ARFGEF1: variants seen among roughly 807,000 people sequenced by gnomAD.
ARFGEF1 encodes the protein ARF guanine nucleotide exchange factor 1, also known as brefeldin A-inhibited guanine nucleotide-exchange protein 1.
ARFGEF1 carries 42 observed loss-of-function variants against 231.0 expected under a neutral mutation model. The ratio of observed to expected loss-of-function variants is 0.18; its 90% CI spans 0.14 to 0.24. ARFGEF1 has a LOEUF of 0.24. ARFGEF1 is among the 10% of genes least tolerant of loss of function. The probability of loss-of-function intolerance (pLI) is 1.00; values close to 1 mark genes in which losing one functional copy is unlikely to be tolerated. For synonymous variants in ARFGEF1, 710 were observed against 732.3 expected (o/e 0.97, Z 0.49); for missense variants, 1,345 against 2,192.0 (o/e 0.61, Z 7.72).
At chr8:67,285,078 G>C (rs1298517521) in intron 7 of ARFGEF1, among the ~76,000 whole-genome samples, 1 of 115,670 alleles carries the variant, frequency 8.6e-6, no homozygotes, top group Non-Finnish European at 1.7e-5. Flanking sequence ...AATTCATTAA[G>C]CCCATGGTAT....
At chr8:67,287,117 C>T (rs1467425009) in intron 7 of ARFGEF1, among the ~76,000 whole-genome samples, 1 of 152,182 alleles carries the variant, frequency 6.6e-6, no homozygotes, top group Non-Finnish European at 1.5e-5. Context: ...CTTTGGCTGG[C>T]ACCTGGGAAC....
intron 1 of ARFGEF1, among the ~76,000 whole-genome samples, chr8:67,322,703 T>C (rs1359891699): frequency 1.3e-5 from 2 of 152,160 alleles, no homozygotes; most frequent in Non-Finnish European, 2.9e-5. Flanking sequence ...AGACCGTCTC[T>C]TAAAAACAAA....
chr8:67,202,976 T>G, intron 36 of ARFGEF1, 107 bp downstream of exon 36: 1 of 1,156,284 alleles, frequency 8.6e-7, no homozygotes, highest in Non-Finnish European at 1.2e-6. Context: ...GTACATATAG[T>G]GACATGCACA....
chr8:67,221,593 T>G (rs995210575), intron 29 of ARFGEF1, among the ~76,000 whole-genome samples: 1 of 152,174 alleles, frequency 6.6e-6, no homozygotes, highest in Admixed American at 6.5e-5. Context: ...TCAAGTTTTT[T>G]AAAATTTTAA....
intron 6 of ARFGEF1, among the ~76,000 whole-genome samples, chr8:67,288,626 G>A (rs906313737): frequency 3.3e-5 from 5 of 152,056 alleles, no homozygotes; most frequent in South Asian, 2.1e-4. Context: ...CCAGCTACTC[G>A]GGAGGCTGAG....
chr8:67,187,574 T>C, intron 5 of ARFGEF1, among the ~76,000 whole-genome samples: 1 of 151,966 alleles, frequency 6.6e-6, no homozygotes, highest in Non-Finnish European at 1.5e-5. Context: ...GTCCTAGCTA[T>C]TTGGGAGGCT....
intron 1 of ARFGEF1, among the ~76,000 whole-genome samples, chr8:67,334,919 T>G (rs561231682): frequency 1.3e-5 from 2 of 152,184 alleles, no homozygotes; most frequent in Admixed American, 1.3e-4. Context: ...ACAGATTTTA[T>G]TGAGGTAATA....
At chr8:67,341,631 ATCTC>A (rs764518096) in intron 1 of ARFGEF1, among the ~76,000 whole-genome samples, 6 of 152,124 alleles carry the variant, frequency 3.9e-5, no homozygotes, top group Middle Eastern at 3.2e-3. Flanking sequence ...TTTAATTTGA[ATCTC>A]TCTAAAGTTC....
At chr8:67,190,669 T>C (rs1476520736) in intron 5 of ARFGEF1, 2 of 1,613,916 alleles carry the variant, frequency 1.2e-6, no homozygotes, top group Non-Finnish European at 1.7e-6. Context: ...GTGAGACATA[T>C]CCTGCCATTG....
chr8:67,319,913 C>A (rs752156669), intron 1 of ARFGEF1, among the ~76,000 whole-genome samples: 1 of 151,856 alleles, frequency 6.6e-6, no homozygotes, highest in Admixed American at 6.6e-5. Context: ...ATGCACATGG[C>A]AAATAAACAT....
intron 22 of ARFGEF1, among the ~76,000 whole-genome samples, chr8:67,235,274 TCAAA>T (rs1345049224): frequency 6.6e-6 from 1 of 151,946 alleles, no homozygotes; most frequent in Admixed American, 6.6e-5. Flanking sequence ...TCCAGTTTTG[TCAAA>T]CAAATTTACT....
At chr8:67,185,470 A>C (rs1366019226) in intron 5 of ARFGEF1, among the ~76,000 whole-genome samples, 1 of 152,266 alleles carries the variant, frequency 6.6e-6, no homozygotes, top group Non-Finnish European at 1.5e-5. Context: ...GTCCAATTAA[A>C]GTAACACTGG....
downstream of ARFGEF1, chr8:67,193,317 GA>G (rs1836936670): frequency 1.3e-4 from 71 of 544,574 alleles, 1 homozygote; most frequent in South Asian, 1.5e-3. Flanking sequence ...GGCTGGTCTT[GA>G]ACTCCTGACT....
intron 5 of ARFGEF1, among the ~76,000 whole-genome samples, chr8:67,186,111 A>T (rs1192492249): frequency 1.3e-5 from 2 of 152,230 alleles, no homozygotes; most frequent in Non-Finnish European, 2.9e-5. Context: ...CTTTAGGAAA[A>T]TAGTTTAAAC....
chr8:67,308,152 A>G (rs1305872771), intron 1 of ARFGEF1, among the ~76,000 whole-genome samples: 1 of 152,218 alleles, frequency 6.6e-6, no homozygotes, highest in Non-Finnish European at 1.5e-5. Context: ...CATCTCCCTC[A>G]GTCATTTCAG....
At chr8:67,338,641 T>A (rs1808456956) in intron 1 of ARFGEF1, among the ~76,000 whole-genome samples, 1 of 152,230 alleles carries the variant, frequency 6.6e-6, no homozygotes, top group Admixed American at 6.5e-5. Context: ...CAGTCAACAC[T>A]ATTCTAGAGC....
Position 67,266,118 on chromosome 8 carries a change from T to C in ARFGEF1, c.2011A>G (p.Thr671Ala), listed in dbSNP as rs761460203. ...TAGCTGCCTATTCCTGATGATGATG[T>C]TGACTCCAGGGAATTTAAACTTCCG... Reference protein sequence around the residue: ...RYGSLNSLESTSSSGIGSYST... With the variant: ...RYGSLNSLESASSSGIGSYST... Residue 671 changes from threonine (T) to alanine (A), a missense_variant, in exon 14 of 39, where the codon ACA becomes GCA. Coordinates refer to ENST00000262215, the MANE Select transcript of ARFGEF1 (RefSeq NM_006421.5). The C allele has an allele frequency of 2.5e-6, 4 of 1,613,898 alleles. No individual in the cohort carries two copies. Among genetic ancestry groups the C allele is most frequent in the Non-Finnish European group, 8.5e-7 (1 of 1,179,850 alleles).
chr8:67,223,843 A>G (rs547358469), intron 29 of ARFGEF1, among the ~76,000 whole-genome samples: 7 of 152,294 alleles, frequency 4.6e-5, no homozygotes, highest in African/African-American at 1.7e-4. Context: ...AAATGGGGCT[A>G]TCTTGAATTT....
chr8:67,282,525 T>A (rs539278720), intron 7 of ARFGEF1, among the ~76,000 whole-genome samples: 29 of 152,092 alleles, frequency 1.9e-4, no homozygotes, highest in African/African-American at 6.7e-4. Context: ...ATCTTAAAAA[T>A]TTTTTTTGTG....
Sources: allele counts gnomAD v4.1 joint callset (sites outside exome capture counted in the v4.1 genomes callset), GRCh38; gene constraint gnomAD v4.1.1; transcripts MANE v1.5; gene names NCBI Gene and HGNC (gene_info 2026-07-23, HGNC 2026-07-21).